Variants in LRFN2 observed in about 807,000 individuals in gnomAD.
The protein encoded by LRFN2 is leucine rich repeat and fibronectin type III domain containing 2, also known as leucine-rich repeat and fibronectin type-III domain-containing protein 2.
In LRFN2, 18 loss-of-function variants were observed where a neutral mutation model predicts 37.3. The ratio of observed to expected loss-of-function variants is 0.48; its 90% confidence interval spans 0.33 to 0.72. The LOEUF (loss-of-function observed/expected upper bound fraction) is 0.72, where lower values mean the gene tolerates loss of function less well. LRFN2 is among the 30% of genes least tolerant of loss of function. LRFN2 has a pLI of 0.02. For missense variants in LRFN2, 1,006 were observed against 1,060.7 expected, an observed-to-expected ratio of 0.95 and a Z score of 0.72; for synonymous variants, 556 against 466.6, an observed-to-expected ratio of 1.19 and a Z score of -2.47.
chr6:40,474,447 C>T (rs148949672), intron 1 of LRFN2, among the ~76,000 whole-genome samples: 42 of 152,222 alleles, frequency 2.8e-4, no homozygotes, highest in African/African-American at 9.6e-4. Context: ...AGCACACTAG[C>T]ATTGGATTTA....
intron 1 of LRFN2, 100 bp from the exon 2 acceptor site, chr6:40,433,231 G>T: frequency 2.1e-6 from 2 of 934,904 alleles, no homozygotes; most frequent in Non-Finnish European, 3.1e-6. Context: ...CTTAGGGAGT[G>T]GCATAGAATG....
chr6:40,550,536 G>A (rs1218168656), intron 1 of LRFN2, among the ~76,000 whole-genome samples: 1 of 152,140 alleles, frequency 6.6e-6, no homozygotes, highest in Non-Finnish European at 1.5e-5. Context: ...GAAGACAATG[G>A]ACAAGAAAGA....
rs770807012 is a variant in LRFN2 at position 40,392,180 on chromosome 6, G to A, written c.2133C>T (p.Pro711=). The A allele has an allele frequency of 3.8e-6, 6 of 1,595,456 alleles. No homozygotes were observed. Among genetic ancestry groups the A allele is most frequent in the Non-Finnish European group, 4.3e-6 (5 of 1,170,330 alleles). Residue 711 remains proline, a synonymous_variant, in exon 3 of 3, where the codon CCC becomes CCT. Coordinates refer to ENST00000338305, the MANE Select transcript of LRFN2 (RefSeq NM_020737.3). The surrounding 1 kb of genome is among the most constrained non-coding windows in gnomAD (Gnocchi z 4.7). ...PPAARARSLL[P]LPLEGKAKRS... ...GTTTGGCCTTGCCCTCCAACGGCAA[G>A]GGGAGCAGGCTCCTGGCCCGGGCCG...
intron 1 of LRFN2, among the ~76,000 whole-genome samples, chr6:40,503,474 C>T (rs186075476): frequency 6.6e-6 from 1 of 152,306 alleles, no homozygotes; most frequent in East Asian, 1.9e-4. Context: ...TGCAAGAAGA[C>T]CACCATTGCT....
chr6:40,392,027 C>A lies in LRFN2; in HGVS notation c.2286G>T (p.Met762Ile), dbSNP rs1397399116. 6.2e-7 allele frequency: 1 copy of A among 1,613,732 alleles called. No homozygotes were observed. The highest frequency in any genetic ancestry group is 8.5e-7 in the Non-Finnish European group (1 of 1,179,840). ...WTKRSLSVNG[M>I]LLPFEESDLV... The stretch of plus-strand genomic sequence containing the variant: ...GGTCACTCTCCTCAAAGGGCAAGAG[C>A]ATGCCGTTGACAGAGAGGCTGCGCT... The change falls in exon 3 of 3, where the codon ATG becomes ATT. Residue 762 changes from methionine to isoleucine, a missense_variant. Around this residue, in one of 4 missense-constraint regions of LRFN2, gnomAD observed 398 missense variants for 327.6 expected, o/e 1.21. Coordinates refer to ENST00000338305, the MANE Select transcript of LRFN2 (RefSeq NM_020737.3). The surrounding 1 kb of genome is among the most constrained non-coding windows in gnomAD (Gnocchi z 4.7).
chr6:40,405,930 A>G (rs1433744), intron 2 of LRFN2, among the ~76,000 whole-genome samples: 50,026 of 152,120 alleles, frequency 0.33, 9,071 homozygotes, highest in South Asian at 0.61. Context: ...TTGCTCCCTG[A>G]CTTGGGAGGC....
intron 1 of LRFN2, among the ~76,000 whole-genome samples, chr6:40,457,424 C>A (rs2113847505): frequency 6.6e-6 from 1 of 151,530 alleles, no homozygotes; most frequent in Middle Eastern, 3.4e-3. Context: ...TCTGTTATAC[C>A]AAGGGAAATG....
intron 1 of LRFN2, among the ~76,000 whole-genome samples, chr6:40,473,736 C>T (rs1764653572): frequency 6.6e-6 from 1 of 152,102 alleles, no homozygotes; most frequent in Non-Finnish European, 1.5e-5. Context: ...CCTCCCCTTG[C>T]CCCACAACCC....
chr6:40,470,412 C>A (rs989387268), intron 1 of LRFN2, among the ~76,000 whole-genome samples: 1 of 152,196 alleles, frequency 6.6e-6, no homozygotes, highest in East Asian at 1.9e-4. Context: ...GAGATCAAGA[C>A]CATCCTGGTC....
At position 40,432,149 on chromosome 6, in the gene LRFN2, C is replaced by T. The variant is rs1466135203; in HGVS notation, c.965G>A (p.Trp322Ter). The change falls in exon 2 of 3, where the codon TGG (tryptophan) becomes TAG (stop). Residue 322 changes from tryptophan to a stop codon, truncating the protein, a stop_gained. Transcript: ENST00000338305. LOFTEE classifies it high-confidence loss of function. ...TACCAGGCGGTCATCGGGGGCTACC[C>T]AGTGGATAAGGGGGCTGGGGTCCCC... ...AIGDPSPLIH[W>*]VAPDDRLVGN... 1 of 1,613,838 alleles carries T rather than the reference C, an allele frequency of 6.2e-7. No homozygotes were observed. The highest frequency in any genetic ancestry group is 1.7e-5 in the Admixed American group (1 of 60,022).
chr6:40,429,363 C>A (rs556335796), intron 2 of LRFN2, among the ~76,000 whole-genome samples: 3 of 152,214 alleles, frequency 2.0e-5, no homozygotes, highest in Non-Finnish European at 4.4e-5. Context: ...CTCCCCCTCA[C>A]GAACTGCGTT....
At chr6:40,537,864 C>T (rs1766480056) in intron 1 of LRFN2, among the ~76,000 whole-genome samples, 1 of 152,030 alleles carries the variant, frequency 6.6e-6, no homozygotes, top group Admixed American at 6.6e-5. Flanking sequence ...CCTCCCAGCC[C>T]CTTTAATGCT....
intron 1 of LRFN2, among the ~76,000 whole-genome samples, chr6:40,444,367 T>C (rs938658190): frequency 1.3e-5 from 2 of 152,170 alleles, no homozygotes; most frequent in African/African-American, 2.4e-5. Flanking sequence ...GCAGTAAATA[T>C]GAATTCAATT....
chr6:40,405,472 A>G (rs1356643499), intron 2 of LRFN2, among the ~76,000 whole-genome samples: 1 of 152,158 alleles, frequency 6.6e-6, no homozygotes. Context: ...CATGATTCAT[A>G]AAGTACCTAG....
At chr6:40,527,671 A>G (rs1375102455) in intron 1 of LRFN2, among the ~76,000 whole-genome samples, 1 of 152,236 alleles carries the variant, frequency 6.6e-6, no homozygotes, top group Admixed American at 6.5e-5. Context: ...GTGATTAAGG[A>G]GAAAGGTACC....
At chr6:40,501,170 TAATATA>T (rs1027156496) in intron 1 of LRFN2, among the ~76,000 whole-genome samples, 4 of 151,020 alleles carry the variant, frequency 2.6e-5, no homozygotes, top group Non-Finnish European at 5.9e-5. Context: ...CTGTCTAAAA[TAATATA>T]AATATTATTT....
chr6:40,405,116 G>A (rs1237045272), intron 2 of LRFN2, among the ~76,000 whole-genome samples: 1 of 152,160 alleles, frequency 6.6e-6, no homozygotes, highest in African/African-American at 2.4e-5. Flanking sequence ...TCTGGTTCCT[G>A]CTTTTCTGCC....
chr6:40,574,311 C>A (rs142364911), intron 1 of LRFN2, among the ~76,000 whole-genome samples: 1 of 152,140 alleles, frequency 6.6e-6, no homozygotes, highest in Non-Finnish European at 1.5e-5. Context: ...GAAAGTGAGG[C>A]TCAAAGAGCT....
chr6:40,483,481 A>G (rs1291010902), intron 1 of LRFN2, among the ~76,000 whole-genome samples: 1 of 152,158 alleles, frequency 6.6e-6, no homozygotes, highest in Non-Finnish European at 1.5e-5. Flanking sequence ...GACAGCCTTG[A>G]CCTCTGATGG....
Sources: allele counts gnomAD v4.1 joint callset (sites outside exome capture counted in the v4.1 genomes callset), GRCh38; gene constraint gnomAD v4.1.1; regional missense constraint gnomAD v4.1.1; non-coding constraint Gnocchi (gnomAD v3.1); transcripts MANE v1.5; gene names NCBI Gene and HGNC (gene_info 2026-07-23, HGNC 2026-07-21).